RNF111: variants seen among roughly 807,000 people sequenced by gnomAD.
RNF111 encodes the protein E3 ubiquitin-protein ligase Arkadia.
A neutral mutation model predicts 95.1 loss-of-function variants in RNF111; 17 were observed. The ratio of observed to expected loss-of-function variants is 0.18; its 90% CI spans 0.12 to 0.27. RNF111 has a LOEUF of 0.27. Among genes scored for constraint, RNF111 ranks in the 10% least tolerant of loss-of-function variants. The pLI is 1.00. For synonymous variants in RNF111, 440 were observed against 414.8 expected, an observed-to-expected ratio of 1.06 and a Z score of -0.74; for missense variants, 1,189 against 1,210.4, an observed-to-expected ratio of 0.98 and a Z score of 0.26.
chr15:59,012,685 G>T (rs1358607314), intron 1 of RNF111, among the ~76,000 whole-genome samples: 1 of 151,740 alleles, frequency 6.6e-6, no homozygotes, highest in Non-Finnish European at 1.5e-5. Flanking sequence ...TATCCCAGTG[G>T]AGCAACTGGA....
At chr15:59,078,525 C>T (rs560458946) in intron 7 of RNF111, among the ~76,000 whole-genome samples, 4 of 146,532 alleles carry the variant, frequency 2.7e-5, no homozygotes, top group South Asian at 2.2e-4. Flanking sequence ...GTACTCCTGC[C>T]TGGACAACAT....
At chr15:59,093,613 C>A in intron 13 of RNF111, 1 of 226,932 alleles carries the variant, frequency 4.4e-6, no homozygotes, top group South Asian at 4.7e-5. Context: ...AATATGTTAA[C>A]CCTATATTAA....
At chr15:58,993,370 AT>A (rs1340932821) in intron 1 of RNF111, among the ~76,000 whole-genome samples, 2 of 134,016 alleles carry the variant, frequency 1.5e-5, no homozygotes, top group Admixed American at 7.6e-5. Context: ...TAAAAAAAAT[AT>A]AACTGTAAAT....
At chr15:59,001,802 C>G (rs117936088) in intron 1 of RNF111, among the ~76,000 whole-genome samples, 5,353 of 152,182 alleles carry the variant, frequency 0.035, 150 homozygotes, top group Non-Finnish European at 0.05. Context: ...GTACAGTAGT[C>G]CTCCCTTATC....
Position 59,058,488 on chromosome 15 carries a change from C to T in RNF111, c.1304C>T (p.Ser435Phe), listed in dbSNP as rs1457037942. The stretch of plus-strand genomic sequence containing the variant: ...TCAGCTGTCACCAGTAGCCAACCTT[C>T]CACAGTGTCAGAGACTTCAGCTACT... Reference protein sequence around the residue: ...TASAVTSSQPSTVSETSATLT... With the variant: ...TASAVTSSQPFTVSETSATLT... Residue 435 changes from serine to phenylalanine, a missense_variant, in exon 5 of 14, where the codon TCC becomes TTC. Around this residue, in one of 2 missense-constraint regions of RNF111, gnomAD observed 1,024 missense variants for 925.9 expected, o/e 1.11. Coordinates refer to ENST00000348370, the MANE Select transcript of RNF111 (RefSeq NM_017610.8). 15 of 1,613,974 alleles carry T rather than the reference C, an allele frequency of 9.3e-6. No homozygotes were observed. Among genetic ancestry groups the T allele is most frequent in the Non-Finnish European group, 1.3e-5 (15 of 1,179,998 alleles).
At chr15:59,083,152 AAAG>A (rs1342863555) in intron 8 of RNF111, among the ~76,000 whole-genome samples, 6 of 151,882 alleles carry the variant, frequency 4.0e-5, no homozygotes, top group Non-Finnish European at 7.4e-5. Context: ...TTAAAAAAAA[AAAG>A]AAGCAAAAAA....
At chr15:58,990,431 G>T (rs1334758693) in intron 1 of RNF111, among the ~76,000 whole-genome samples, 1 of 152,148 alleles carries the variant, frequency 6.6e-6, no homozygotes, top group East Asian at 1.9e-4. Context: ...AGGCCAAGGC[G>T]GGCGAATCAC....
chr15:59,044,015 G>T (rs2041591195), intron 2 of RNF111, among the ~76,000 whole-genome samples: 1 of 152,152 alleles, frequency 6.6e-6, no homozygotes, highest in African/African-American at 2.4e-5. Context: ...TGTGCTCACA[G>T]ATTGGAAACT....
intron 12 of RNF111, among the ~76,000 whole-genome samples, chr15:59,091,361 CAT>C (rs2079047137): frequency 1.3e-5 from 2 of 152,060 alleles, no homozygotes; most frequent in South Asian, 4.1e-4. Context: ...GAAGTGAAAT[CAT>C]AGTTAAGGAT....
intron 11 of RNF111, among the ~76,000 whole-genome samples, 173 bp from the exon 12 acceptor site, chr15:59,090,886 T>A (rs1480192706): frequency 1.3e-5 from 2 of 152,140 alleles, no homozygotes; most frequent in Non-Finnish European, 2.9e-5. Flanking sequence ...ATAAACTGTT[T>A]TATATATATA....
chr15:59,009,310 T>G (rs1406885475), intron 1 of RNF111, among the ~76,000 whole-genome samples: 1 of 152,014 alleles, frequency 6.6e-6, no homozygotes, highest in Non-Finnish European at 1.5e-5. Flanking sequence ...ATTTTTCATA[T>G]CTTGGGATAT....
intron 1 of RNF111, among the ~76,000 whole-genome samples, chr15:59,022,802 T>C (rs1177958983): frequency 2.0e-5 from 3 of 152,226 alleles, no homozygotes; most frequent in East Asian, 1.9e-4. Flanking sequence ...GTAAGGAGAT[T>C]GCCTGTCCTT....
rs1202248179 is a variant in RNF111 at position 59,081,049 on chromosome 15, C to G, written c.2062C>G (p.Pro688Ala). The change falls in exon 8 of 14, where the codon CCT becomes GCT. Residue 688 changes from proline to alanine, a missense_variant. Around this residue, in one of 2 missense-constraint regions of RNF111, gnomAD observed 1,024 missense variants for 925.9 expected, o/e 1.11. Transcript: ENST00000348370. ...PPQVDYVIPH[P>A]VHAFHSQISS... ...TCAAGTGGATTATGTTATTCCTCAT[C>G]CTGTACATGCTTTCCATTCTCAAAT... is the stretch of plus-strand genomic sequence containing the variant. 2 of 1,614,146 alleles carry G rather than the reference C, an allele frequency of 1.2e-6. No homozygotes were observed. Among genetic ancestry groups the G allele is most frequent in the Non-Finnish European group, 1.7e-6 (2 of 1,180,014 alleles).
At chr15:58,996,391 G>A (rs774211898) in intron 1 of RNF111, among the ~76,000 whole-genome samples, 4 of 151,682 alleles carry the variant, frequency 2.6e-5, no homozygotes, top group Non-Finnish European at 4.4e-5. Context: ...TGGCCAACCT[G>A]ATGAAACCCT....
chr15:59,038,894 C>G (rs767359117), intron 2 of RNF111, among the ~76,000 whole-genome samples: 1 of 152,142 alleles, frequency 6.6e-6, no homozygotes, highest in Non-Finnish European at 1.5e-5. Flanking sequence ...AGTTCCCCTT[C>G]ACTGTTTTCT....
intron 8 of RNF111, 135 bp from the exon 9 acceptor site, chr15:59,083,990 AATTT>A (rs1479498903): frequency 3.4e-6 from 2 of 594,098 alleles, no homozygotes; most frequent in South Asian, 8.8e-5. Context: ...ATGTTTTTAT[AATTT>A]ATTATAAAAT....
At chr15:59,006,197 C>G (rs1261185006) in intron 1 of RNF111, among the ~76,000 whole-genome samples, 2 of 152,184 alleles carry the variant, frequency 1.3e-5, no homozygotes, top group African/African-American at 2.4e-5. Flanking sequence ...AAAAACCAAC[C>G]AAGTTGATGT....
rs577328492 is a variant in RNF111 at position 59,095,918 on chromosome 15, G to A, written c.*1018G>A. ...AAAGGTCCCAGGATCACTTTTAAGG[G>A]ATTTTTATTAGTTTAAAGGTAAATA... On this transcript the variant is annotated 3_prime_UTR_variant, in exon 14 of 14. Coordinates refer to ENST00000348370, the MANE Select transcript of RNF111 (RefSeq NM_017610.8). 2 of 397,716 alleles carry A rather than the reference G, an allele frequency of 5.0e-6. No homozygotes were observed. Among genetic ancestry groups the A allele is most frequent in the South Asian group, 1.3e-4 (1 of 7,592 alleles). The allele number at this position is 397,716 out of a possible 1,614,324, so 24.6% of individuals were successfully genotyped here.
intron 2 of RNF111, among the ~76,000 whole-genome samples, chr15:59,049,050 T>A (rs1281679298): frequency 6.6e-6 from 1 of 152,010 alleles, no homozygotes; most frequent in Non-Finnish European, 1.5e-5. Flanking sequence ...ATGAGCGTGA[T>A]TGTGCCCCTA....
Sources: allele counts gnomAD v4.1 joint callset (sites outside exome capture counted in the v4.1 genomes callset), GRCh38; gene constraint gnomAD v4.1.1; regional missense constraint gnomAD v4.1.1; transcripts MANE v1.5; gene names NCBI Gene and HGNC (gene_info 2026-07-23, HGNC 2026-07-21).